The following FARP2 variants were observed in gnomAD, a reference collection of about 807,000 sequenced individuals.
FARP2 encodes FERM, ARHGEF and pleckstrin domain-containing protein 2.
In FARP2, 111 loss-of-function variants were observed where a neutral mutation model predicts 130.5. That is an observed-to-expected ratio of 0.85 (90% CI 0.73 to 1.00). The LOEUF is 1.00. Ranked by LOEUF, FARP2 falls within the 50% of genes least tolerant of loss-of-function variation. The pLI, the probability that FARP2 is intolerant of heterozygous loss-of-function variation, is 0.00. For synonymous variants in FARP2, 504 were observed against 516.9 expected, an observed-to-expected ratio of 0.98 and a Z score of 0.34; for missense variants, 1,385 against 1,346.3, an observed-to-expected ratio of 1.03 and a Z score of -0.45.
intron 20 of FARP2, chr2:241,484,025 G>A: frequency 7.4e-7 from 1 of 1,353,700 alleles, no homozygotes; most frequent in Non-Finnish European, 9.5e-7. Flanking sequence ...CAAGCTAGCT[G>A]GGAGCTGACC....
At chr2:241,445,226 T>C (rs1293860244) in intron 13 of FARP2, 1 of 124,852 alleles carries the variant, frequency 8.0e-6, no homozygotes, top group African/African-American at 3.2e-5. Flanking sequence ...GCCTGGGTGC[T>C]AGAGCGAGGC....
intron 2 of FARP2, among the ~76,000 whole-genome samples, chr2:241,389,697 A>C (rs1362291477): frequency 6.6e-6 from 1 of 152,200 alleles, no homozygotes; most frequent in Non-Finnish European, 1.5e-5. Context: ...CTGATACTGT[A>C]GTTTTGTGCT....
At chr2:241,425,634 TAAAA>T (rs1167925220) in intron 8 of FARP2, among the ~76,000 whole-genome samples, 12 of 45,980 alleles carry the variant, frequency 2.6e-4, no homozygotes, top group African/African-American at 4.5e-4. Flanking sequence ...TCCTACCAAG[TAAAA>T]AAAAAAAAAA....
Position 241,385,861 on chromosome 2 carries a change from C to T in FARP2, c.183+12571C>T, listed in dbSNP as rs370487999. 2.0e-5 allele frequency among the ~76,000 whole-genome samples: 3 copies of T among 152,226 alleles called. No individual in the cohort carries two copies. In the South Asian group the frequency reaches 6.2e-4, roughly 31 times the overall value. The stretch of plus-strand genomic sequence containing the variant: ...TATGCACTTTTATATACACACACCC[C>T]ATCTATATCACTACTTCTGTCCTTT... On this transcript the variant is annotated intron_variant, in intron 2 of 26. Coordinates refer to ENST00000264042, the MANE Select transcript of FARP2 (RefSeq NM_014808.4).
rs1314955511 is a variant in FARP2, at chr2:241,466,643, C to A, written c.1894-1497C>A. 4.1e-5 allele frequency: 40 copies of A among 981,782 alleles called. No individual in the cohort carries two copies. In the African/African-American group the frequency reaches 6.2e-4, roughly 15 times the overall value. The allele number at this position is 981,782 out of a possible 1,614,324, so 60.8% of individuals were successfully genotyped here. On this transcript the variant is annotated intron_variant, in intron 17 of 26. Transcript: ENST00000264042. Reference sequence around the variant, plus strand: ...TCCCCACCTGGCCCTCACCACCCCTCACCCCCAGGCAGCGGGCCAGCCCCG... The same window carrying A: ...TCCCCACCTGGCCCTCACCACCCCTAACCCCCAGGCAGCGGGCCAGCCCCG...
chr2:241,358,777 C>T (rs537520576), intron 1 of FARP2, among the ~76,000 whole-genome samples: 6 of 152,210 alleles, frequency 3.9e-5, no homozygotes, highest in Middle Eastern at 3.4e-3. Context: ...TTGACCATAG[C>T]GTATTTGTCA....
chr2:241,490,125 C>G (rs1310858120), intron 22 of FARP2, 81 bp downstream of exon 22: 2 of 1,015,772 alleles, frequency 2.0e-6, no homozygotes, highest in African/African-American at 1.6e-5. Flanking sequence ...TCTGAGTCCT[C>G]TGAGCTGTGA....
chr2:241,423,431 A>G (rs1005318143), intron 8 of FARP2, among the ~76,000 whole-genome samples: 2 of 152,234 alleles, frequency 1.3e-5, no homozygotes, highest in Admixed American at 6.5e-5. Flanking sequence ...CATCACCACC[A>G]GGCCTGCTTT....
At chr2:241,411,412 A>T (rs942645298) in intron 6 of FARP2, among the ~76,000 whole-genome samples, 1 of 152,218 alleles carries the variant, frequency 6.6e-6, no homozygotes, top group Non-Finnish European at 1.5e-5. Flanking sequence ...TGTGCATTTT[A>T]CCAGCAATGC....
intron 17 of FARP2, among the ~76,000 whole-genome samples, chr2:241,467,128 G>A (rs1425273855): frequency 2.6e-5 from 4 of 151,968 alleles, no homozygotes; most frequent in African/African-American, 4.8e-5. Context: ...GGTGGTGTGC[G>A]CCTGTGATCC....
At chr2:241,427,152 T>G (rs961250615) in intron 8 of FARP2, among the ~76,000 whole-genome samples, 2 of 152,118 alleles carry the variant, frequency 1.3e-5, no homozygotes, top group African/African-American at 4.8e-5. Context: ...GGAGAATCGC[T>G]TGAATCCAGG....
In FARP2 at chr2:241,403,818, C is replaced by G; in HGVS notation, c.184-10C>G. On this transcript the variant is annotated splice_polypyrimidine_tract_variant and intron_variant, in intron 2 of 26. Coordinates refer to ENST00000264042, the MANE Select transcript of FARP2 (RefSeq NM_014808.4). ...AATCCTTGTTATTTTTCCCATCTCT[C>G]TCTGCACAGCCTAAATGCGATGGCC... 2 of 1,588,304 alleles carry G rather than the reference C, an allele frequency of 1.3e-6. No individual in the cohort carries two copies. The highest frequency in any genetic ancestry group is 1.7e-6 in the Non-Finnish European group (2 of 1,157,412).
At chr2:241,379,446 C>T (rs1415123272) in intron 2 of FARP2, among the ~76,000 whole-genome samples, 1 of 152,190 alleles carries the variant, frequency 6.6e-6, no homozygotes, top group Admixed American at 6.5e-5. Flanking sequence ...TTCTCACGTT[C>T]CCCTTTTCTT....
intron 2 of FARP2, among the ~76,000 whole-genome samples, chr2:241,402,206 C>T (rs1359391437): frequency 6.6e-6 from 1 of 152,186 alleles, no homozygotes; most frequent in Non-Finnish European, 1.5e-5. Flanking sequence ...GGTAAATGCA[C>T]ACTTTAAATT....
At chr2:241,488,441 G>C (rs1369234889) in intron 21 of FARP2, 2 of 144,764 alleles carry the variant, frequency 1.4e-5, no homozygotes, top group African/African-American at 5.1e-5. Context: ...TTTTTAGATG[G>C]AGTCTTGCTC....
chr2:241,487,517 A>G (rs2064779694), intron 21 of FARP2, among the ~76,000 whole-genome samples: 1 of 139,552 alleles, frequency 7.2e-6, no homozygotes, highest in Non-Finnish European at 1.6e-5. Context: ...AAAATACAAA[A>G]ATTAGCCAGG....
intron 8 of FARP2, 98 bp downstream of exon 8, chr2:241,418,207 T>C: frequency 7.5e-7 from 1 of 1,339,316 alleles, no homozygotes; most frequent in Non-Finnish European, 1.1e-6. Flanking sequence ...ATATTTGTCC[T>C]GATGAGTACG....
chr2:241,404,639 GTTTGT>G (rs1466521231), intron 3 of FARP2, among the ~76,000 whole-genome samples, 155 bp from the exon 4 acceptor site: 8 of 152,250 alleles, frequency 5.3e-5, no homozygotes, highest in South Asian at 4.1e-4. Flanking sequence ...TTCTTGTACA[GTTTGT>G]TTTATCAGGA....
chr2:241,474,568 A>G (rs1000286821), intron 18 of FARP2, among the ~76,000 whole-genome samples: 3 of 151,512 alleles, frequency 2.0e-5, no homozygotes, highest in Non-Finnish European at 2.9e-5. Flanking sequence ...AGGTGAGTAG[A>G]TCATCTGACG....
Sources: gnomAD v4.1 joint callset for allele counts (sites outside exome capture counted in the v4.1 genomes callset) on GRCh38, gnomAD v4.1.1 for gene constraint, MANE v1.5 for transcripts, NCBI Gene and HGNC (gene_info 2026-07-23, HGNC 2026-07-21) for gene names.